ZNF554: variants seen among roughly 807,000 people sequenced by gnomAD.
ZNF554 encodes zinc finger protein 554.
In ZNF554, 15 loss-of-function variants were observed where a neutral mutation model predicts 21.2. The ratio of observed to expected loss-of-function variants is 0.71; its 90% CI spans 0.47 to 1.09. The LOEUF (loss-of-function observed/expected upper bound fraction) is 1.09. Among genes scored for constraint, ZNF554 ranks in the 50% least tolerant of loss-of-function variants. The probability of loss-of-function intolerance (pLI) is 0.00; values close to 1 mark genes in which losing one functional copy is unlikely to be tolerated. For synonymous variants in ZNF554, 258 were observed against 251.4 expected (o/e 1.03, Z -0.25); for missense variants, 691 against 662.7 (o/e 1.04, Z -0.47).
At position 2,834,113 on chromosome 19, in the gene ZNF554, G is replaced by A. The variant is rs752129891; in HGVS notation, c.878G>A (p.Gly293Glu). The A allele has an allele frequency of 2.1e-5, 34 of 1,613,936 alleles. No homozygotes were observed. In the Middle Eastern group the frequency reaches 8.2e-4, roughly 39 times the overall value. Residue 293 changes from glycine (G) to glutamate (E), a missense_variant, in exon 5 of 5, where the codon GGG becomes GAG. By Grantham distance (98) the Gly-to-Glu change is moderately conservative. Transcript: ENST00000317243. ...AACAGTCACTTTATTCAACACGGGG[G>A]GAAGATGTTTGTGTATTTGGAAAAT... ...RQNSHFIQHG[G>E]KMFVYLENGQ...
chr19:2,823,167 C>T, intron 2 of ZNF554, 55 bp downstream of exon 2: 6 of 1,544,226 alleles, frequency 3.9e-6, no homozygotes, highest in Non-Finnish European at 4.4e-6. Flanking sequence ...GGGAACAATC[C>T]CACCAGAAAC....
chr19:2,829,449 C>T (rs772510274), intron 3 of ZNF554, among the ~76,000 whole-genome samples: 5 of 152,030 alleles, frequency 3.3e-5, no homozygotes, highest in Non-Finnish European at 7.4e-5. Flanking sequence ...ACCAGCTTGA[C>T]CAACATGGAG....
chr19:2,834,225 G>A lies in ZNF554; in HGVS notation c.990G>A (p.Gly330=). 3 of 1,614,056 alleles carry A rather than the reference G, an allele frequency of 1.9e-6. No individual in the cohort carries two copies. The highest frequency in any genetic ancestry group is 2.5e-6 in the Non-Finnish European group (3 of 1,180,050). ...AACCCTTTGAGTGCCACCAGTGTGG[G>A]AAGGTGTTCAACCGGAGGCATTCTT... ...AEKPFECHQC[G]KVFNRRHSLS... The change falls in exon 5 of 5, where the codon GGG becomes GGA. Residue 330 remains glycine, a synonymous_variant. Transcript: ENST00000317243.
rs71179916 is a variant in ZNF554, at chr19:2,831,593, C to CTTTTTT, written c.254-694_254-689dup. On this transcript the variant is annotated intron_variant, in intron 3 of 4. Coordinates refer to ENST00000317243, the MANE Select transcript of ZNF554 (RefSeq NM_001102651.2). ...ACAGGTGTGAGCCACTGCACCCGCC[C>CTTTTTT]TTTTTTTTTTTTTTTTTTTTTGAGA... is the stretch of plus-strand genomic sequence containing the variant. 10 of 113,480 alleles carry CTTTTTT rather than the reference C, an allele frequency of 8.8e-5. 3 individuals are homozygous for CTTTTTT. The highest frequency in any genetic ancestry group is 7.0e-5 in the Non-Finnish European group (4 of 57,234). 7.0% of individuals were successfully genotyped at this position (113,480 alleles called of 1,614,324 possible). A position where few individuals can be genotyped will look rare whatever the true frequency, so the allele number is the denominator to read the frequency against.
intron 2 of ZNF554, 151 bp from the exon 3 acceptor site, chr19:2,827,466 C>G (rs1216268047): frequency 2.2e-6 from 2 of 904,222 alleles, no homozygotes; most frequent in Non-Finnish European, 1.6e-6. Flanking sequence ...AAGCCAAGGA[C>G]AAGCACCCAC....
chr19:2,834,499 T>C lies in ZNF554; in HGVS notation c.1264T>C (p.Tyr422His). The change falls in exon 5 of 5, where the codon TAC becomes CAC. Residue 422 changes from tyrosine (Y) to histidine (H), a missense_variant. Transcript: ENST00000317243. ...TGGGAAATCCTTCTGCCAGAGCTCT[T>C]ACCTGATCTTGCACAAGAGGACACA... The part of the protein sequence containing the change: ...DCGKSFCQSS[Y>H]LILHKRTHTG... The C allele has an allele frequency of 6.2e-7, 1 of 1,613,956 alleles. No individual in the cohort carries two copies. Among genetic ancestry groups the C allele is most frequent in the Non-Finnish European group, 8.5e-7 (1 of 1,179,998 alleles).
intron 2 of ZNF554, among the ~76,000 whole-genome samples, chr19:2,824,127 T>G (rs1405273259): frequency 2.0e-5 from 3 of 152,124 alleles, no homozygotes; most frequent in Admixed American, 6.5e-5. Context: ...CTCCTGAGGG[T>G]GCAGGTTGCA....
intron 3 of ZNF554, chr19:2,832,062 GT>G (rs1424402490): frequency 3.6e-6 from 1 of 280,054 alleles, no homozygotes; most frequent in African/African-American, 2.2e-5. Context: ...AGTAACTGGG[GT>G]TACAGGCATG....
In ZNF554 at chr19:2,834,543, C is replaced by T. The variant is rs368121318; in HGVS notation, c.1308C>T (p.Tyr436=). Residue 436 remains tyrosine, a synonymous_variant, in exon 5 of 5, where the codon TAC becomes TAT. Transcript: ENST00000317243. ...HKRTHTGEKP[Y]ECSECGKAFS... The stretch of plus-strand genomic sequence containing the variant: ...GGACACACACCGGAGAGAAGCCCTA[C>T]GAATGCAGTGAATGTGGAAAGGCCT... The T allele has an allele frequency of 2.2e-5, 36 of 1,613,976 alleles. No homozygotes were observed. The highest frequency in any genetic ancestry group is 1.6e-4 in the Middle Eastern group (1 of 6,084).
intron 1 of ZNF554, among the ~76,000 whole-genome samples, chr19:2,822,297 C>T (rs973829136): frequency 2.6e-5 from 4 of 152,038 alleles, no homozygotes; most frequent in East Asian, 1.9e-4. Context: ...GTGATCCTCG[C>T]GCCTCAGCCT....
At chr19:2,828,472 T>C (rs2087365927) in intron 3 of ZNF554, among the ~76,000 whole-genome samples, 1 of 152,132 alleles carries the variant, frequency 6.6e-6, no homozygotes, top group Admixed American at 6.5e-5. Context: ...GGTGATCACC[T>C]GAGGTCAGGA....
intron 1 of ZNF554, among the ~76,000 whole-genome samples, chr19:2,820,654 C>T (rs1322085295): frequency 2.7e-5 from 4 of 146,684 alleles, no homozygotes; most frequent in East Asian, 2.0e-4. Flanking sequence ...ACGTTAGCAC[C>T]GCTGTCCTGG....
At position 2,820,081 on chromosome 19, in the gene ZNF554, T is replaced by G. The variant is rs2087241483; in HGVS notation, c.10T>G (p.Cys4Gly). 1.6e-6 allele frequency: 2 copies of G among 1,213,718 alleles called. No homozygotes were observed. The highest frequency in any genetic ancestry group is 2.0e-6 in the Non-Finnish European group (2 of 975,936). The allele number at this position is 1,213,718 out of a possible 1,614,324, so 75.2% of individuals were successfully genotyped here. Residue 4 changes from cysteine to glycine, a missense_variant, in exon 1 of 5, where the codon TGC becomes GGC. Coordinates refer to ENST00000317243, the MANE Select transcript of ZNF554 (RefSeq NM_001102651.2). MVTCAHLGRRARLP... is the reference protein window; with the variant it reads MVTGAHLGRRARLP... ...CTCAGCGCGCGCCCCGATGGTCACC[T>G]GCGCCCACCTGGGCCGGCGCGCGCG...
At position 2,833,974 on chromosome 19, in the gene ZNF554, A is replaced by C; in HGVS notation, c.739A>C (p.Ser247Arg). Residue 247 changes from serine to arginine, a missense_variant, in exon 5 of 5, where the codon AGC (serine) becomes CGC (arginine). Coordinates refer to ENST00000317243, the MANE Select transcript of ZNF554 (RefSeq NM_001102651.2). The stretch of plus-strand genomic sequence containing the variant: ...CTCTAAAGGGAACCACTTGTGTGGC[A>C]GCGAGTTAGATATTACAAGCTTGGC... ...GSSKGNHLCG[S>R]ELDITSLASD... is the part of the protein sequence containing the mutation. 6.2e-7 allele frequency: 1 copy of C among 1,614,140 alleles called. No individual in the cohort carries two copies. Among genetic ancestry groups the C allele is most frequent in the Non-Finnish European group, 8.5e-7 (1 of 1,180,048 alleles).
intron 2 of ZNF554, chr19:2,826,447 C>G (rs1473002937): frequency 6.6e-6 from 1 of 151,964 alleles, no homozygotes; most frequent in Non-Finnish European, 1.5e-5. Flanking sequence ...TGTGATTCAC[C>G]TGCCTCAGCC....
chr19:2,834,338 C>G lies in ZNF554; in HGVS notation c.1103C>G (p.Thr368Arg). Reference protein sequence around the residue: ...GRAFTHSSTLTRHLRTHTGEK... With the variant: ...GRAFTHSSTLRRHLRTHTGEK... Reference sequence around the variant, plus strand: ...GCCTTTACGCACAGCTCCACCCTCACGCGCCATCTGAGAACTCATACTGGA... The same window carrying G: ...GCCTTTACGCACAGCTCCACCCTCAGGCGCCATCTGAGAACTCATACTGGA... Residue 368 changes from threonine (T) to arginine (R), a missense_variant, in exon 5 of 5, where the codon ACG (threonine) becomes AGG (arginine). By Grantham distance (71) the Thr-to-Arg change is moderately conservative. Coordinates refer to ENST00000317243, the MANE Select transcript of ZNF554 (RefSeq NM_001102651.2). 1.2e-6 allele frequency: 2 copies of G among 1,613,794 alleles called. No individual in the cohort carries two copies. The highest frequency in any genetic ancestry group is 8.5e-7 in the Non-Finnish European group (1 of 1,179,944).
Position 2,836,171 on chromosome 19 carries a change from G to A in ZNF554, c.*1319G>A, listed in dbSNP as rs906487264. 1.4e-5 allele frequency among the ~76,000 whole-genome samples: 2 copies of A among 142,968 alleles called. No homozygotes were observed. Among genetic ancestry groups the A allele is most frequent in the Admixed American group, 7.9e-5 (1 of 12,678 alleles). 93.8% of individuals were successfully genotyped at this position (142,968 alleles called of 152,430 possible). A position where few individuals can be genotyped will look rare whatever the true frequency, so the allele number is the denominator to read the frequency against. On this transcript the variant is annotated 3_prime_UTR_variant, in exon 5 of 5. Transcript: ENST00000317243. ...GAGCCACTGTGCTGGGATTACGGGC[G>A]TGAGCTGCCCATGCTGGGATTACGG...
intron 1 of ZNF554, among the ~76,000 whole-genome samples, chr19:2,822,694 T>C (rs555022741): frequency 6.6e-6 from 1 of 152,058 alleles, no homozygotes; most frequent in South Asian, 2.1e-4. Flanking sequence ...TGGGACAACA[T>C]AGCAAGGCCC....
Position 2,833,987 on chromosome 19 carries a change from T to C in ZNF554, c.752T>C (p.Ile251Thr). Reference protein sequence around the residue: ...GNHLCGSELDITSLASDSVLN... With the variant: ...GNHLCGSELDTTSLASDSVLN... ...CACTTGTGTGGCAGCGAGTTAGATA[T>C]TACAAGCTTGGCATCCGATTCAGTC... Residue 251 changes from isoleucine to threonine, a missense_variant, in exon 5 of 5, where the codon ATT becomes ACT. Physicochemically the swap from Ile to Thr is moderately conservative, Grantham distance 89 (BLOSUM62 -1). Coordinates refer to ENST00000317243, the MANE Select transcript of ZNF554 (RefSeq NM_001102651.2). 1.2e-6 allele frequency: 2 copies of C among 1,614,112 alleles called. No homozygotes were observed. The highest frequency in any genetic ancestry group is 2.2e-5 in the South Asian group (2 of 91,090).
Sources: allele counts gnomAD v4.1 joint callset (sites outside exome capture counted in the v4.1 genomes callset), GRCh38; gene constraint gnomAD v4.1.1; transcripts MANE v1.5; gene names NCBI Gene and HGNC (gene_info 2026-07-23, HGNC 2026-07-21).